Variants in FGD4 observed in about 807,000 individuals in gnomAD.
The protein encoded by FGD4 is FYVE, RhoGEF and PH domain containing 4, also known as FYVE, RhoGEF and PH domain-containing protein 4.
Under a neutral mutation model 102.0 loss-of-function variants are expected in FGD4, and 42 were observed. The ratio of observed to expected loss-of-function variants is 0.41; its 90% CI spans 0.32 to 0.53. The LOEUF (loss-of-function observed/expected upper bound fraction) is 0.53. Among genes scored for constraint, FGD4 ranks in the 20% least tolerant of loss-of-function variants. The pLI is 0.21. For missense variants in FGD4, 902 were observed against 1,078.2 expected (o/e 0.84, Z 2.29); for synonymous variants, 380 against 375.7 (o/e 1.01, Z -0.13).
intron 1 of FGD4, among the ~76,000 whole-genome samples, chr12:32,534,795 T>C (rs1021438311): frequency 6.6e-6 from 1 of 152,208 alleles, no homozygotes; most frequent in South Asian, 2.1e-4. Flanking sequence ...GGGAGAAATA[T>C]AGAGAAAGAA....
chr12:32,449,018 A>C (rs1240524081), intron 1 of FGD4, among the ~76,000 whole-genome samples: 2 of 152,226 alleles, frequency 1.3e-5, no homozygotes, highest in African/African-American at 4.8e-5. Flanking sequence ...GACAGTATTA[A>C]CATTTATAGA....
chr12:32,534,161 T>C (rs964236775), intron 1 of FGD4: 4 of 304,416 alleles, frequency 1.3e-5, no homozygotes, highest in Non-Finnish European at 1.9e-5. Flanking sequence ...AAAGGTTCCA[T>C]GTGCCTCAGT....
At chr12:32,428,045 G>T (rs1403855644) in intron 1 of FGD4, among the ~76,000 whole-genome samples, 2 of 152,060 alleles carry the variant, frequency 1.3e-5, no homozygotes, top group African/African-American at 4.8e-5. Flanking sequence ...TTTAATTGGG[G>T]CATTTAGCCT....
At chr12:32,438,305 C>T (rs1942301257) in intron 1 of FGD4, among the ~76,000 whole-genome samples, 2 of 152,128 alleles carry the variant, frequency 1.3e-5, no homozygotes, top group African/African-American at 2.4e-5. Context: ...TTCCATAGAG[C>T]GGACTTGGGA....
At chr12:32,419,069 G>A (rs1010487801) in intron 1 of FGD4, among the ~76,000 whole-genome samples, 2 of 152,146 alleles carry the variant, frequency 1.3e-5, no homozygotes, top group Non-Finnish European at 2.9e-5. Flanking sequence ...CCGTCAGCTT[G>A]TGACCAATGC....
intron 13 of FGD4, 112 bp downstream of exon 13, chr12:32,625,180 C>T (rs997042181): frequency 1.2e-6 from 1 of 851,084 alleles, no homozygotes; most frequent in Admixed American, 1.9e-5. Context: ...TCAGAACTGG[C>T]TGGTTAGACA....
intron 1 of FGD4, among the ~76,000 whole-genome samples, chr12:32,453,225 A>G (rs1942850641): frequency 1.3e-5 from 1 of 74,900 alleles, no homozygotes; most frequent in Non-Finnish European, 2.4e-5. Flanking sequence ...TATATAATAT[A>G]GATATATATA....
intron 1 of FGD4, among the ~76,000 whole-genome samples, chr12:32,436,814 C>A (rs1401994202): frequency 2.6e-5 from 4 of 152,006 alleles, no homozygotes; most frequent in Non-Finnish European, 4.4e-5. Context: ...TACTTCCCTG[C>A]ATATAAAAAA....
At chr12:32,417,914 ATC>A (rs1161765944) in intron 1 of FGD4, among the ~76,000 whole-genome samples, 1 of 103,638 alleles carries the variant, frequency 9.6e-6, no homozygotes, top group Admixed American at 9.1e-5. Flanking sequence ...AAGGTCACAT[ATC>A]TCTGTTTTTT....
intron 1 of FGD4, among the ~76,000 whole-genome samples, chr12:32,441,465 G>T (rs1223790867): frequency 6.6e-6 from 1 of 152,044 alleles, no homozygotes; most frequent in African/African-American, 2.4e-5. Context: ...TGGAACAGGG[G>T]CCTCTTGACT....
At chr12:32,415,858 T>A (rs1427698399) in intron 1 of FGD4, among the ~76,000 whole-genome samples, 1 of 152,056 alleles carries the variant, frequency 6.6e-6, no homozygotes, top group South Asian at 2.1e-4. Context: ...TCATCTGATA[T>A]AAGTATAGCT....
intron 1 of FGD4, among the ~76,000 whole-genome samples, chr12:32,456,706 G>A (rs1013865450): frequency 5.9e-5 from 9 of 152,128 alleles, no homozygotes; most frequent in Non-Finnish European, 2.9e-5. Flanking sequence ...CTTGACCAAA[G>A]TAGTCAAAAG....
At chr12:32,489,088 C>T (rs923377130) in intron 1 of FGD4, among the ~76,000 whole-genome samples, 3 of 152,250 alleles carry the variant, frequency 2.0e-5, no homozygotes, top group East Asian at 1.9e-4. Flanking sequence ...TATTTGCCTT[C>T]GTTTTCTTTT....
intron 10 of FGD4, among the ~76,000 whole-genome samples, chr12:32,617,553 G>A (rs1350060095): frequency 6.6e-6 from 1 of 152,220 alleles, no homozygotes. Context: ...GAGGCTTGTA[G>A]TTTTTAATCA....
intron 1 of FGD4, among the ~76,000 whole-genome samples, chr12:32,530,045 G>T (rs1941644773): frequency 6.6e-6 from 1 of 152,162 alleles, no homozygotes; most frequent in South Asian, 2.1e-4. Flanking sequence ...AAACATTGTA[G>T]ATATATAGGT....
At chr12:32,410,671 C>T (rs1941167805) in intron 1 of FGD4, among the ~76,000 whole-genome samples, 1 of 152,054 alleles carries the variant, frequency 6.6e-6, no homozygotes, top group Non-Finnish European at 1.5e-5. Context: ...GTTGCTGTGC[C>T]CGTCGCACAT....
intron 1 of FGD4, among the ~76,000 whole-genome samples, chr12:32,555,592 G>A (rs1944035812): frequency 1.5e-5 from 2 of 130,620 alleles, no homozygotes; most frequent in African/African-American, 5.9e-5. Context: ...TTTTTTTCGA[G>A]ATGGAGTCTC....
At chr12:32,424,479 A>G (rs918190247) in intron 1 of FGD4, among the ~76,000 whole-genome samples, 14 of 152,164 alleles carry the variant, frequency 9.2e-5, no homozygotes, top group African/African-American at 3.4e-4. Flanking sequence ...ATTGATGGAC[A>G]TTTGGGTTGG....
At chr12:32,414,830 G>C (rs2733699) in intron 1 of FGD4, among the ~76,000 whole-genome samples, 14,477 of 151,876 alleles carry the variant, frequency 0.095, 1,285 homozygotes, top group African/African-American at 0.21. Flanking sequence ...TCTAATTTTG[G>C]GTTCGGTTTG....
Sources: allele counts gnomAD v4.1 joint callset (sites outside exome capture counted in the v4.1 genomes callset), GRCh38; gene constraint gnomAD v4.1.1; transcripts MANE v1.5; gene names NCBI Gene and HGNC (gene_info 2026-07-23, HGNC 2026-07-21).